Variants in RPA3 observed in about 807,000 individuals in gnomAD.
RPA3 encodes the protein replication protein A 14 kDa subunit.
Under a neutral mutation model 13.7 loss-of-function variants are expected in RPA3, and 24 were observed. The ratio of observed to expected loss-of-function variants is 1.75; its 90% CI spans 1.27 to 2.46. The LOEUF (loss-of-function observed/expected upper bound fraction) is 2.46. Ranked by LOEUF, RPA3 falls within the 30% of genes most tolerant of loss-of-function variation. RPA3 has a pLI of 0.00. For missense variants in RPA3, 183 were observed against 151.0 expected (o/e 1.21, Z -1.11); for synonymous variants, 59 against 51.2 (o/e 1.15, Z -0.65).
intron 4 of RPA3, among the ~76,000 whole-genome samples, chr7:7,642,844 C>G (rs1168552214): frequency 6.6e-6 from 1 of 152,126 alleles, no homozygotes; most frequent in Non-Finnish European, 1.5e-5. Flanking sequence ...TTGTGTTAAG[C>G]TTCCTAAGCT....
chr7:7,714,094 A>G (rs28912683), intron 2 of RPA3, among the ~76,000 whole-genome samples: 8,210 of 152,266 alleles, frequency 0.054, 258 homozygotes, highest in Middle Eastern at 0.12. Flanking sequence ...TATCTTTTTG[A>G]TGAAGATTTT....
At chr7:7,688,669 C>T (rs367914603) in intron 2 of RPA3, among the ~76,000 whole-genome samples, 22 of 152,154 alleles carry the variant, frequency 1.4e-4, no homozygotes, top group African/African-American at 5.3e-4. Context: ...TATTTTGTAG[C>T]AGCTCCTATA....
intron 4 of RPA3, among the ~76,000 whole-genome samples, chr7:7,673,964 T>C (rs1349226464): frequency 1.3e-5 from 2 of 152,228 alleles, no homozygotes; most frequent in East Asian, 3.8e-4. Flanking sequence ...TTAAAAAATA[T>C]TTCTTACAAT....
chr7:7,647,816 G>C (rs1785131792), intron 4 of RPA3, among the ~76,000 whole-genome samples: 1 of 152,132 alleles, frequency 6.6e-6, no homozygotes, highest in African/African-American at 2.4e-5. Flanking sequence ...TGTTGCCCAG[G>C]CTGGTCCATA....
intron 4 of RPA3, among the ~76,000 whole-genome samples, chr7:7,662,520 A>G (rs918809486): frequency 6.6e-5 from 10 of 152,152 alleles, no homozygotes; most frequent in South Asian, 2.1e-4. Context: ...ACCGGAGTGC[A>G]CTGTTCCTCA....
In RPA3 at chr7:7,636,982, T is replaced by C. The variant is rs1270459794; in HGVS notation, c.*18A>G. On this transcript the variant is annotated 3_prime_UTR_variant, in exon 8 of 8. Transcript: ENST00000223129. ...CTTTAATATAGCTCATTTACAATCG[T>C]ATGAAAATCCATCAAGATCAATCAT... 1.9e-6 allele frequency: 3 copies of C among 1,555,522 alleles called. No homozygotes were observed. The South Asian group carries it at 3.3e-5, about 17-fold the overall frequency.
rs1780901046 is a variant in RPA3 at position 7,716,286 on chromosome 7, G to GA, written c.-1079-1061dup. The stretch of plus-strand genomic sequence containing the variant: ...ACAACATGGGAAGGAACAATGCCAA[G>GA]AAAAATTGTATTTATTCTTATAACT... On this transcript the variant is annotated intron_variant, in intron 1 of 7. Transcript: ENST00000223129. Among the ~76,000 whole-genome samples, 4 of 152,268 alleles carry GA rather than the reference G, an allele frequency of 2.6e-5. No individual in the cohort carries two copies. The South Asian group carries it at 8.3e-4, about 32-fold the overall frequency.
Position 7,640,347 on chromosome 7 carries a change from A to C in RPA3, c.72T>G (p.Pro24=). Reference sequence around the variant, plus strand: ...TTTCCAGCCTCCCTACGAAGCAGACAGGCTTGTCGATGAATTGAGCTAGCA... The same window carrying C: ...TTTCCAGCCTCCCTACGAAGCAGACCGGCTTGTCGATGAATTGAGCTAGCA... ...AGMLAQFIDK[P]VCFVGRLEKI... The change falls in exon 5 of 8, where the codon CCT becomes CCG. Residue 24 remains proline, a synonymous_variant. Transcript: ENST00000223129. 1 of 1,614,066 alleles carries C rather than the reference A, an allele frequency of 6.2e-7. No homozygotes were observed. The highest frequency in any genetic ancestry group is 1.1e-5 in the South Asian group (1 of 91,070).
chr7:7,698,990 G>T (rs1168574536), intron 2 of RPA3, among the ~76,000 whole-genome samples: 1 of 151,240 alleles, frequency 6.6e-6, no homozygotes, highest in East Asian at 1.9e-4. Context: ...AAGTATCTGG[G>T]ACTACAGGAG....
chr7:7,713,036 C>G (rs1780806724), intron 2 of RPA3, among the ~76,000 whole-genome samples: 1 of 151,930 alleles, frequency 6.6e-6, no homozygotes, highest in Admixed American at 6.6e-5. Context: ...TAGGTGATTG[C>G]TCATTCAAAA....
intron 2 of RPA3, among the ~76,000 whole-genome samples, chr7:7,709,561 A>G (rs1413925683): frequency 6.6e-6 from 1 of 152,256 alleles, no homozygotes; most frequent in Admixed American, 6.5e-5. Flanking sequence ...CTGCAAGGGC[A>G]AAATGAGGCT....
At chr7:7,681,367 G>A (rs1385151079) in intron 4 of RPA3, among the ~76,000 whole-genome samples, 1 of 152,076 alleles carries the variant, frequency 6.6e-6, no homozygotes, top group Non-Finnish European at 1.5e-5. Context: ...TTCAGGTCTG[G>A]GCAGAGTCTA....
intron 2 of RPA3, among the ~76,000 whole-genome samples, chr7:7,689,902 G>A (rs1780134337): frequency 6.6e-6 from 1 of 152,170 alleles, no homozygotes; most frequent in South Asian, 2.1e-4. Flanking sequence ...AGTAATTGGT[G>A]ATCAGGAAAC....
At chr7:7,652,155 A>G (rs1425025925) in intron 4 of RPA3, among the ~76,000 whole-genome samples, 1 of 152,180 alleles carries the variant, frequency 6.6e-6, no homozygotes, top group Non-Finnish European at 1.5e-5. Context: ...GTGGGGATGG[A>G]CAAAGTATTT....
At chr7:7,691,788 C>T (rs1780178183) in intron 2 of RPA3, among the ~76,000 whole-genome samples, 1 of 152,124 alleles carries the variant, frequency 6.6e-6, no homozygotes, top group Non-Finnish European at 1.5e-5. Context: ...GAAGTGTTTT[C>T]TGATACATGG....
In RPA3 at chr7:7,640,687, A is replaced by G. The variant is rs1784946763; in HGVS notation, c.-269T>C. 8 of 456,168 alleles carry G rather than the reference A, an allele frequency of 1.8e-5. 2 individuals carry two copies. The South Asian group carries it at 2.2e-4, about 12-fold the overall frequency. 28.3% of individuals were successfully genotyped at this position (456,168 alleles called of 1,614,324 possible). A position where few individuals can be genotyped will look rare whatever the true frequency, so the allele number is the denominator to read the frequency against. ...ACAGATACAGGGCGAGAGGCAGTGGAGGCGGGACTTGGATAGGGGCGGAAC... is the reference window on the plus strand; with the variant it reads ...ACAGATACAGGGCGAGAGGCAGTGGGGGCGGGACTTGGATAGGGGCGGAAC... On this transcript the variant is annotated 5_prime_UTR_variant, in exon 5 of 8. Coordinates refer to ENST00000223129, the MANE Select transcript of RPA3 (RefSeq NM_002947.5).
At chr7:7,655,895 G>A (rs1262052829) in intron 4 of RPA3, among the ~76,000 whole-genome samples, 2 of 152,116 alleles carry the variant, frequency 1.3e-5, no homozygotes, top group Non-Finnish European at 2.9e-5. Context: ...GAATGCCATG[G>A]TGTGATCTTG....
At chr7:7,645,403 C>G (rs1355583099) in intron 4 of RPA3, among the ~76,000 whole-genome samples, 5 of 152,160 alleles carry the variant, frequency 3.3e-5, no homozygotes, top group Admixed American at 6.5e-5. Context: ...CTCAGGGCCC[C>G]AGGTTCTTTC....
chr7:7,655,814 G>C (rs954378466), intron 4 of RPA3, among the ~76,000 whole-genome samples: 3 of 136,794 alleles, frequency 2.2e-5, no homozygotes, highest in Middle Eastern at 3.4e-3. Context: ...TATATATTTA[G>C]GACAGTCTCT....
Sources: gnomAD v4.1 joint callset for allele counts (sites outside exome capture counted in the v4.1 genomes callset) on GRCh38, gnomAD v4.1.1 for gene constraint, MANE v1.5 for transcripts, NCBI Gene and HGNC (gene_info 2026-07-23, HGNC 2026-07-21) for gene names.